ZBTB8OS: variants seen among roughly 807,000 people sequenced by gnomAD.
The protein encoded by ZBTB8OS is tRNA-splicing ligase-activating factor archease.
In ZBTB8OS, 16 loss-of-function variants were observed where a neutral mutation model predicts 29.3. That is an observed-to-expected ratio of 0.55 (90% CI 0.37 to 0.83). The LOEUF (loss-of-function observed/expected upper bound fraction) is 0.83, where lower values mean the gene tolerates loss of function less well. ZBTB8OS is among the 40% of genes least tolerant of loss of function. The probability of loss-of-function intolerance (pLI) is 0.00; values close to 1 mark genes in which losing one functional copy is unlikely to be tolerated. For missense variants in ZBTB8OS, 160 were observed against 196.9 expected (o/e 0.81, Z 1.12); for synonymous variants, 70 against 64.6 (o/e 1.08, Z -0.40).
chr1:32,642,731 C>T (rs1340660313), intron 1 of ZBTB8OS, among the ~76,000 whole-genome samples: 5 of 36,828 alleles, frequency 1.4e-4, no homozygotes, highest in African/African-American at 4.1e-4. Flanking sequence ...AATCTTTTAT[C>T]TTAACCAGAA....
At chr1:32,647,451 A>G (rs1557827484) in intron 1 of ZBTB8OS, among the ~76,000 whole-genome samples, 3 of 151,554 alleles carry the variant, frequency 2.0e-5, no homozygotes, top group African/African-American at 4.8e-5. Context: ...AAAAAAAAAA[A>G]AGAAAAGAAA....
chr1:32,627,082 T>G (rs1645180301), intron 6 of ZBTB8OS, among the ~76,000 whole-genome samples: 1 of 152,156 alleles, frequency 6.6e-6, no homozygotes, highest in South Asian at 2.1e-4. Context: ...TTATTATCTG[T>G]CCATTTTACA....
intron 1 of ZBTB8OS, among the ~76,000 whole-genome samples, chr1:32,641,926 C>CAAACA (rs542788448): frequency 3.8e-4 from 57 of 151,924 alleles, no homozygotes; most frequent in South Asian, 1.5e-3. Context: ...GAGACTGTCT[C>CAAACA]AAACAAAACA....
At chr1:32,637,174 C>G (rs183788752) in intron 1 of ZBTB8OS, among the ~76,000 whole-genome samples, 15 of 152,218 alleles carry the variant, frequency 9.9e-5, no homozygotes, top group African/African-American at 2.9e-4. Context: ...GAGCTCAGCT[C>G]TTTTCCCACA....
intron 1 of ZBTB8OS, among the ~76,000 whole-genome samples, chr1:32,638,433 C>T (rs1411913931): frequency 1.3e-5 from 2 of 151,312 alleles, no homozygotes; most frequent in Non-Finnish European, 2.9e-5. Flanking sequence ...CCTTGTAATC[C>T]GCCCACCTCA....
intron 1 of ZBTB8OS, among the ~76,000 whole-genome samples, chr1:32,649,131 C>G (rs1647083973): frequency 6.6e-6 from 1 of 151,574 alleles, no homozygotes; most frequent in Non-Finnish European, 1.5e-5. Flanking sequence ...TCATGCGCAG[C>G]TAATTTTTGT....
chr1:32,635,334 C>T (rs561614491), intron 1 of ZBTB8OS, among the ~76,000 whole-genome samples: 24 of 150,998 alleles, frequency 1.6e-4, no homozygotes, highest in South Asian at 4.2e-4. Flanking sequence ...TACAGTGGCG[C>T]GATCTTGGCT....
intron 1 of ZBTB8OS, among the ~76,000 whole-genome samples, chr1:32,635,609 G>C (rs1046409860): frequency 6.6e-6 from 1 of 152,034 alleles, no homozygotes; most frequent in Non-Finnish European, 1.5e-5. Context: ...TTCCCACTTA[G>C]GATCATAGAA....
In ZBTB8OS at chr1:32,627,644, A is replaced by G. The variant is rs1010792380; in HGVS notation, c.381-100T>C. On this transcript the variant is annotated intron_variant, in intron 5 of 6. Transcript: ENST00000468695. Reference sequence around the variant, plus strand: ...GGTTAACATGCTAGAAAGCCAAAAGAGACAGGAGGGGGTCAGGGAGCTGTT... The same window carrying G: ...GGTTAACATGCTAGAAAGCCAAAAGGGACAGGAGGGGGTCAGGGAGCTGTT... 5.4e-6 allele frequency: 6 copies of G among 1,107,180 alleles called. No individual in the cohort carries two copies. In the African/African-American group the frequency reaches 9.4e-5, roughly 17 times the overall value. 68.6% of individuals were successfully genotyped at this position (1,107,180 alleles called of 1,614,324 possible). A position where few individuals can be genotyped will look rare whatever the true frequency, so the allele number is the denominator to read the frequency against.
Position 32,631,897 on chromosome 1 carries a change from T to A in ZBTB8OS, c.328-18A>T, listed in dbSNP as rs1384720638. On this transcript the variant is annotated intron_variant, in intron 4 of 6. Transcript: ENST00000468695. ...TTCACTTCCTAGACAGGAAGAAAAA[T>A]TTTTTAATTAAAAAAAGTTCATAAT... 5 of 1,463,580 alleles carry A rather than the reference T, an allele frequency of 3.4e-6. No homozygotes were observed. Among genetic ancestry groups the A allele is most frequent in the East Asian group, 2.5e-5 (1 of 39,470 alleles). The allele number at this position is 1,463,580 out of a possible 1,614,324, so 90.7% of individuals were successfully genotyped here. A position where few individuals can be genotyped will look rare whatever the true frequency, so the allele number is the denominator to read the frequency against.
At chr1:32,648,077 A>G (rs1646992029) in intron 1 of ZBTB8OS, among the ~76,000 whole-genome samples, 1 of 152,356 alleles carries the variant, frequency 6.6e-6, no homozygotes, top group South Asian at 2.1e-4. Context: ...GGCTAAGAAT[A>G]TTAACATACA....
chr1:32,634,333 TCTC>T, intron 2 of ZBTB8OS: 2 of 307,376 alleles, frequency 6.5e-6, no homozygotes, highest in South Asian at 1.7e-4. Flanking sequence ...TTCAAGCAAT[TCTC>T]CTGCCTCAGC....
chr1:32,647,775 G>C (rs1646968355), intron 1 of ZBTB8OS, among the ~76,000 whole-genome samples: 1 of 151,888 alleles, frequency 6.6e-6, no homozygotes, highest in Admixed American at 6.6e-5. Flanking sequence ...ACAAGTTCAG[G>C]GCTCCCACTG....
At chr1:32,634,120 AG>A in intron 2 of ZBTB8OS, 48 bp from the exon 3 acceptor site, 1 of 1,366,388 alleles carries the variant, frequency 7.3e-7, no homozygotes, top group Non-Finnish European at 9.5e-7. Context: ...ACTGCAAGAA[AG>A]AAAATTTGAT....
At chr1:32,623,337 A>G (rs552141052) in intron 6 of ZBTB8OS, among the ~76,000 whole-genome samples, 3 of 152,210 alleles carry the variant, frequency 2.0e-5, no homozygotes, top group Non-Finnish European at 4.4e-5. Flanking sequence ...ACAGGAATTC[A>G]GTACTCGCAG....
chr1:32,648,179 C>G (rs1646999272), intron 1 of ZBTB8OS, among the ~76,000 whole-genome samples: 1 of 151,994 alleles, frequency 6.6e-6, no homozygotes, highest in Non-Finnish European at 1.5e-5. Flanking sequence ...GTATACTTTA[C>G]AAATTAGAAA....
intron 1 of ZBTB8OS, 21 bp from the exon 2 acceptor site, chr1:32,634,813 C>A (rs759931476): frequency 9.2e-6 from 14 of 1,524,508 alleles, no homozygotes; most frequent in Non-Finnish European, 1.3e-5. Context: ...GAGGGAAAAA[C>A]ACTTATAAGA....
chr1:32,629,977 T>C, intron 5 of ZBTB8OS, among the ~76,000 whole-genome samples: 1 of 152,014 alleles, frequency 6.6e-6, no homozygotes, highest in East Asian at 1.9e-4. Context: ...GGTCTCAATC[T>C]CTTGACCTCC....
Position 32,634,789 on chromosome 1 carries a change from A to C in ZBTB8OS, c.101T>G (p.Leu34Trp), listed in dbSNP as rs1386906004. ...YPPVNRKYEY[L>W]DHTADVQLHA... Reference sequence around the variant, plus strand: ...TCACTGGACATCTGCTGTATGATCCAAATCTGAGGGACAGAGGGAAAAACA... The same window carrying C: ...TCACTGGACATCTGCTGTATGATCCCAATCTGAGGGACAGAGGGAAAAACA... Residue 34 changes from leucine (L) to tryptophan (W), a missense_variant, in exon 2 of 7, where the codon TTG becomes TGG. By Grantham distance (61) the Leu-to-Trp change is moderately conservative (BLOSUM62 -2). Coordinates refer to ENST00000468695, the MANE Select transcript of ZBTB8OS (RefSeq NM_178547.5). 1 of 1,612,100 alleles carries C rather than the reference A, an allele frequency of 6.2e-7. No individual in the cohort carries two copies. The highest frequency in any genetic ancestry group is 1.7e-5 in the Admixed American group (1 of 59,990).
Sources: allele counts gnomAD v4.1 joint callset (sites outside exome capture counted in the v4.1 genomes callset), GRCh38; gene constraint gnomAD v4.1.1; transcripts MANE v1.5; gene names NCBI Gene and HGNC (gene_info 2026-07-23, HGNC 2026-07-21).